The following ARHGEF7 variants were observed in gnomAD, a reference collection of about 807,000 sequenced individuals.
The protein encoded by ARHGEF7 is Rho guanine nucleotide exchange factor 7.
In ARHGEF7, 33 loss-of-function variants were observed where a neutral mutation model predicts 109.8. The observed-to-expected ratio is 0.30, with a 90% CI of 0.23 to 0.40. The LOEUF (loss-of-function observed/expected upper bound fraction) is 0.40. Ranked by LOEUF, ARHGEF7 falls within the 10% of genes least tolerant of loss-of-function variation. The probability of loss-of-function intolerance (pLI) is 1.00; values close to 1 mark genes in which losing one functional copy is unlikely to be tolerated. For missense variants in ARHGEF7, 938 were observed against 1,098.5 expected, an observed-to-expected ratio of 0.85 and a Z score of 2.07; for synonymous variants, 458 against 424.6, an observed-to-expected ratio of 1.08 and a Z score of -0.97.
chr13:111,164,141 A>C (rs138769786), intron 2 of ARHGEF7, among the ~76,000 whole-genome samples: 29 of 152,334 alleles, frequency 1.9e-4, no homozygotes, highest in African/African-American at 6.5e-4. Context: ...TTGTGTGTCT[A>C]GGCATTTTCC....
At chr13:111,125,385 C>CTT (rs34548328) in intron 1 of ARHGEF7, among the ~76,000 whole-genome samples, 198 of 143,928 alleles carry the variant, frequency 1.4e-3, no homozygotes, top group Middle Eastern at 3.6e-3. Flanking sequence ...CTTGGAGCAG[C>CTT]TTTTTTTTTT....
chr13:111,283,067 T>A (rs1334566462), intron 15 of ARHGEF7, 72 bp from the exon 16 acceptor site: 4 of 1,492,746 alleles, frequency 2.7e-6, no homozygotes, highest in Admixed American at 4.0e-5. Flanking sequence ...AGGAAGTGCG[T>A]GATAAGTGCC....
intron 2 of ARHGEF7, among the ~76,000 whole-genome samples, chr13:111,197,712 A>G (rs913747667): frequency 6.6e-6 from 1 of 152,190 alleles, no homozygotes; most frequent in East Asian, 1.9e-4. Flanking sequence ...TTGTCTGAGT[A>G]GGGGTGCTAA....
chr13:111,227,871 A>G (rs2085428998), intron 5 of ARHGEF7, among the ~76,000 whole-genome samples: 1 of 152,126 alleles, frequency 6.6e-6, no homozygotes, highest in African/African-American at 2.4e-5. Context: ...CCTTTTCTCT[A>G]TCCTCCCACA....
rs552847425 is a variant in ARHGEF7, at chr13:111,133,249, A to T, written c.165+17558A>T. ...CATTATATAATGCACACATATGCGC[A>T]TATATACATACAGTATATACACACC... is the stretch of plus-strand genomic sequence containing the variant. On this transcript the variant is annotated intron_variant, in intron 1 of 21. Transcript: ENST00000646102. Among the ~76,000 whole-genome samples the T allele has an allele frequency of 3.9e-5, 6 of 152,230 alleles. No individual in the cohort carries two copies. The South Asian group carries it at 1.2e-3, about 32-fold the overall frequency.
intron 1 of ARHGEF7, among the ~76,000 whole-genome samples, chr13:111,120,781 C>T (rs1029083037): frequency 3.9e-5 from 6 of 152,202 alleles, no homozygotes; most frequent in Non-Finnish European, 7.3e-5. Flanking sequence ...GCAGCATGCT[C>T]CTCTCGTTTG....
Position 111,125,438 on chromosome 13 carries a change from A to G in ARHGEF7, c.165+9747A>G, listed in dbSNP as rs74494470. Among the ~76,000 whole-genome samples the G allele has an allele frequency of 2.9e-3, 425 of 148,254 alleles. 4 individuals carry two copies. Among genetic ancestry groups the G allele is most frequent in the African/African-American group, 0.01 (405 of 40,090 alleles). ...ATCCTATCTTTTCTCTATAGAAGCTATATATAATTCAGAATCCCAAAAAGT... is the reference window on the plus strand; with the variant it reads ...ATCCTATCTTTTCTCTATAGAAGCTGTATATAATTCAGAATCCCAAAAAGT... On this transcript the variant is annotated intron_variant, in intron 1 of 21. Coordinates refer to ENST00000646102, the MANE Select transcript of ARHGEF7 (RefSeq NM_001354046.2).
chr13:111,216,432 C>T (rs990188435), intron 4 of ARHGEF7, among the ~76,000 whole-genome samples: 1 of 151,906 alleles, frequency 6.6e-6, no homozygotes, highest in African/African-American at 2.4e-5. Flanking sequence ...GGATAGAGGC[C>T]TGGACTCTGC....
chr13:111,117,203 G>A (rs867718396), intron 1 of ARHGEF7, among the ~76,000 whole-genome samples: 2 of 152,102 alleles, frequency 1.3e-5, no homozygotes, highest in Non-Finnish European at 2.9e-5. Flanking sequence ...AAAACATGTC[G>A]CCATCAAAGA....
At chr13:111,289,397 C>T (rs749374737) in intron 18 of ARHGEF7, among the ~76,000 whole-genome samples, 27 of 152,156 alleles carry the variant, frequency 1.8e-4, no homozygotes, top group Admixed American at 8.5e-4. Flanking sequence ...AGCAGGGTGG[C>T]GGCTGATGCA....
intron 21 of ARHGEF7, among the ~76,000 whole-genome samples, chr13:111,301,851 C>T (rs1476408239): frequency 6.6e-6 from 1 of 152,168 alleles, no homozygotes; most frequent in Admixed American, 6.5e-5. Flanking sequence ...GAGATTGTGC[C>T]ACTGCACTCC....
At chr13:111,153,553 G>A (rs1037239494) in intron 1 of ARHGEF7, 21 of 956,812 alleles carry the variant, frequency 2.2e-5, no homozygotes, top group Non-Finnish European at 2.6e-5. Flanking sequence ...CAGCTCGCCG[G>A]CAAAGCAGGG....
rs115023145 is a variant in ARHGEF7 at position 111,234,592 on chromosome 13, C to G, written c.759+1299C>G. On this transcript the variant is annotated intron_variant, in intron 6 of 21. Coordinates refer to ENST00000646102, the MANE Select transcript of ARHGEF7 (RefSeq NM_001354046.2). ...TCATAATTTGACATCTGTGCACCTTCTTGTGAGCAGGTCTCCTCATGCATC... is the reference window on the plus strand; with the variant it reads ...TCATAATTTGACATCTGTGCACCTTGTTGTGAGCAGGTCTCCTCATGCATC... Among the ~76,000 whole-genome samples, 123 of 152,280 alleles carry G rather than the reference C, an allele frequency of 8.1e-4. 1 individual carries two copies. The highest frequency in any genetic ancestry group is 2.9e-3 in the African/African-American group (120 of 41,548).
chr13:111,262,473 T>C (rs978194922), intron 8 of ARHGEF7, among the ~76,000 whole-genome samples: 7 of 152,110 alleles, frequency 4.6e-5, no homozygotes, highest in African/African-American at 1.7e-4. Context: ...TTGTGAAGTC[T>C]CATCTCTGAA....
Position 111,304,026 on chromosome 13 carries a change from A to G in ARHGEF7, c.*913A>G, listed in dbSNP as rs756199496. 2 of 152,226 alleles carry G rather than the reference A, an allele frequency of 1.3e-5. No homozygotes were observed. The highest frequency in any genetic ancestry group is 4.8e-5 in the African/African-American group (2 of 41,456). 9.4% of individuals were successfully genotyped at this position (152,226 alleles called of 1,614,324 possible). ...AAGTCACTGCAGCTGATGAAAACAGATGGAGGCCATGCTGCAGGCTGATAC... is the reference window on the plus strand; with the variant it reads ...AAGTCACTGCAGCTGATGAAAACAGGTGGAGGCCATGCTGCAGGCTGATAC... On this transcript the variant is annotated 3_prime_UTR_variant, in exon 22 of 22. Coordinates refer to ENST00000646102, the MANE Select transcript of ARHGEF7 (RefSeq NM_001354046.2).
Position 111,288,367 on chromosome 13 carries a change from G to A in ARHGEF7, c.2058G>A (p.Leu686=), listed in dbSNP as rs762544161. Residue 686 remains leucine, a synonymous_variant, in exon 18 of 22, where the codon TTG becomes TTA. Transcript: ENST00000646102. ...EFASRKSTAA[L]EEDAQILKVI... ...ATCTCTTGACAGGCACAGCTGCTTTGGAAGAAGATGCTCAGATTCTGAAAG... is the reference window on the plus strand; with the variant it reads ...ATCTCTTGACAGGCACAGCTGCTTTAGAAGAAGATGCTCAGATTCTGAAAG... 6.2e-7 allele frequency: 1 copy of A among 1,613,148 alleles called. No individual in the cohort carries two copies.
At chr13:111,230,202 C>A (rs146483009) in intron 5 of ARHGEF7, among the ~76,000 whole-genome samples, 137 of 152,256 alleles carry the variant, frequency 9.0e-4, no homozygotes, top group African/African-American at 3.2e-3. Flanking sequence ...CTGCCCCAGT[C>A]AGCCCTTGGA....
intron 2 of ARHGEF7, among the ~76,000 whole-genome samples, chr13:111,183,343 C>CT (rs59647451): frequency 0.081 from 11,829 of 145,210 alleles, 637 homozygotes; most frequent in Admixed American, 0.17. Flanking sequence ...GTATTGGCAC[C>CT]TTTTTTTTTT....
In ARHGEF7 at chr13:111,283,226, C is replaced by G. The variant is rs2092865581; in HGVS notation, c.1813C>G (p.Pro605Ala). Residue 605 changes from proline (P) to alanine (A), a missense_variant, in exon 16 of 22, where the codon CCC (proline) becomes GCC (alanine). By Grantham distance (27) the Pro-to-Ala change is conservative. Transcript: ENST00000646102. ...GCCCGCCTACCACACGCTGCCCCAC[C>G]CCTCCCACCACGGCACCCCGCACAC... ...LTPAYHTLPH[P>A]SHHGTPHTTI... 4 of 1,593,564 alleles carry G rather than the reference C, an allele frequency of 2.5e-6. No homozygotes were observed. Among genetic ancestry groups the G allele is most frequent in the Non-Finnish European group, 2.6e-6 (3 of 1,171,964 alleles).
Sources: allele counts gnomAD v4.1 joint callset (sites outside exome capture counted in the v4.1 genomes callset), GRCh38; gene constraint gnomAD v4.1.1; transcripts MANE v1.5; gene names NCBI Gene and HGNC (gene_info 2026-07-23, HGNC 2026-07-21).